Variants in TLN2 observed in about 807,000 individuals in gnomAD.
TLN2 encodes the protein talin-2.
TLN2 carries 118 observed loss-of-function variants against 294.7 expected under a neutral mutation model. The ratio of observed to expected loss-of-function variants is 0.40; its 90% CI spans 0.34 to 0.47. TLN2 has a LOEUF of 0.47. Ranked by LOEUF, TLN2 falls within the 20% of genes least tolerant of loss-of-function variation. TLN2 has a pLI of 0.84. For missense variants in TLN2, 3,083 were observed against 3,282.2 expected (o/e 0.94, Z 1.48); for synonymous variants, 1,431 against 1,304.5 (o/e 1.10, Z -2.09).
chr15:62,504,846 T>TGAGAGAGAGAGA (rs56056575), intron 1 of TLN2, among the ~76,000 whole-genome samples: 2 of 144,392 alleles, frequency 1.4e-5, no homozygotes, highest in Non-Finnish European at 3.0e-5. Context: ...TGTGTGTGTG[T>TGAGAGAGAGAGA]GAGAGAGAGA....
In TLN2 at chr15:62,520,737, A is replaced by C. The variant is rs745680997; in HGVS notation, c.-237-68950A>C. 3.9e-5 allele frequency among the ~76,000 whole-genome samples: 6 copies of C among 152,192 alleles called. No individual in the cohort carries two copies. The South Asian group carries it at 8.3e-4, about 21-fold the overall frequency. ...TTAGGAGGTCCAGTATTACTTACTT[A>C]ATAGTTGTTTATTTTTTTAAAGTGT... is the stretch of plus-strand genomic sequence containing the variant. On this transcript the variant is annotated intron_variant, in intron 1 of 58. Transcript: ENST00000636159.
At chr15:62,531,192 G>A (rs919962057) in intron 1 of TLN2, among the ~76,000 whole-genome samples, 19 of 152,160 alleles carry the variant, frequency 1.2e-4, no homozygotes, top group African/African-American at 4.1e-4. Context: ...ATCAACAGAT[G>A]AATAGATAAA....
intron 45 of TLN2, chr15:62,784,231 C>T (rs1369206824): frequency 7.6e-6 from 3 of 394,650 alleles, no homozygotes; most frequent in Non-Finnish European, 8.9e-6. Flanking sequence ...TCACTTCCTA[C>T]TCCAGTTAGC....
chr15:62,746,785 C>T (rs896472079), intron 32 of TLN2, among the ~76,000 whole-genome samples: 1 of 152,136 alleles, frequency 6.6e-6, no homozygotes, highest in African/African-American at 2.4e-5. Flanking sequence ...GAAGCGTGGA[C>T]CAGTTATGAC....
intron 1 of TLN2, among the ~76,000 whole-genome samples, chr15:62,460,184 GC>G (rs2036714446): frequency 2.0e-5 from 3 of 152,062 alleles, no homozygotes; most frequent in African/African-American, 7.2e-5. Context: ...GCAGCAGCCA[GC>G]CATGTGTCCT....
At chr15:62,533,253 CAAAA>C (rs10650730) in intron 1 of TLN2, among the ~76,000 whole-genome samples, 2 of 51,424 alleles carry the variant, frequency 3.9e-5, no homozygotes, top group African/African-American at 8.0e-5. Flanking sequence ...GACTCTGTCT[CAAAA>C]AAAAAAAAAA....
chr15:62,808,004 T>C (rs1407837257), intron 51 of TLN2, among the ~76,000 whole-genome samples: 1 of 152,116 alleles, frequency 6.6e-6, no homozygotes, highest in Non-Finnish European at 1.5e-5. Flanking sequence ...TGCTGAGTGG[T>C]GGTCAAGACG....
chr15:62,825,746 A>G (rs1392675615), intron 54 of TLN2, among the ~76,000 whole-genome samples: 2 of 106,320 alleles, frequency 1.9e-5, no homozygotes, highest in Non-Finnish European at 3.3e-5. Flanking sequence ...TTTTATATAT[A>G]TTAAATATAA....
At position 62,739,512 on chromosome 15, in the gene TLN2, C is replaced by T. The variant is rs560735833; in HGVS notation, c.3852C>T (p.Leu1284=). The change falls in exon 31 of 59, where the codon CTC becomes CTT. Residue 1284 remains leucine (L), a synonymous_variant. Transcript: ENST00000636159. ...GKFSDDFDEF[L]DAGIEMAGQA... The stretch of plus-strand genomic sequence containing the variant: ...TCAGTGATGATTTTGATGAATTCCT[C>T]GATGCTGGCATTGAGATGGCTGGCC... 6.6e-5 allele frequency: 106 copies of T among 1,614,128 alleles called. No individual in the cohort carries two copies. The Admixed American group carries it at 1.0e-3, about 15-fold the overall frequency.
intron 1 of TLN2, among the ~76,000 whole-genome samples, chr15:62,397,152 C>T (rs1414960661): frequency 1.3e-5 from 2 of 152,200 alleles, no homozygotes; most frequent in East Asian, 3.8e-4. Flanking sequence ...CCATTTTCAA[C>T]CCAGCCTCCT....
intron 4 of TLN2, among the ~76,000 whole-genome samples, chr15:62,648,764 G>A (rs1228708499): frequency 6.6e-6 from 1 of 152,020 alleles, no homozygotes; most frequent in Non-Finnish European, 1.5e-5. Flanking sequence ...GGCCAGGATG[G>A]TCTTGAACTC....
chr15:62,494,371 A>G (rs2038910730), intron 1 of TLN2, among the ~76,000 whole-genome samples: 1 of 152,210 alleles, frequency 6.6e-6, no homozygotes, highest in Admixed American at 6.5e-5. Flanking sequence ...GGAGATTTGC[A>G]TTCAGGCCAG....
intron 1 of TLN2, among the ~76,000 whole-genome samples, chr15:62,496,427 A>T (rs977846908): frequency 3.3e-5 from 5 of 152,212 alleles, no homozygotes; most frequent in African/African-American, 9.6e-5. Flanking sequence ...GTATTGTAAA[A>T]GAGCTCCACC....
chr15:62,539,107 T>A (rs1404581866), intron 1 of TLN2, among the ~76,000 whole-genome samples: 2 of 152,210 alleles, frequency 1.3e-5, no homozygotes, highest in East Asian at 3.8e-4. Flanking sequence ...AAAGATTTGA[T>A]GACTTTCTCT....
At chr15:62,525,805 G>A (rs577169771) in intron 1 of TLN2, among the ~76,000 whole-genome samples, 14 of 152,224 alleles carry the variant, frequency 9.2e-5, no homozygotes, top group African/African-American at 3.4e-4. Flanking sequence ...CAGCCCACAC[G>A]GCACCCCTGC....
chr15:62,706,155 C>G (rs2059051992), intron 19 of TLN2, among the ~76,000 whole-genome samples: 1 of 152,184 alleles, frequency 6.6e-6, no homozygotes, highest in African/African-American at 2.4e-5. Flanking sequence ...AAGGGAAAAG[C>G]CTTGACGTGT....
chr15:62,528,616 G>A (rs1328595009), intron 1 of TLN2, among the ~76,000 whole-genome samples: 1 of 150,096 alleles, frequency 6.7e-6, no homozygotes, highest in Admixed American at 6.6e-5. Context: ...CAGGGGCTAT[G>A]TCTGGCAAAG....
chr15:62,835,767 G>A lies in TLN2; in HGVS notation c.7159G>A (p.Asp2387Asn). 8 of 1,614,190 alleles carry A rather than the reference G, an allele frequency of 5.0e-6. No homozygotes were observed. Among genetic ancestry groups the A allele is most frequent in the South Asian group, 2.2e-5 (2 of 91,078 alleles). Reference sequence around the variant, plus strand: ...CTCCATCCCTGCCAATGCTGCAGACGACGGACAGTGGTCACAGGGGCTGAT... The same window carrying A: ...CTCCATCCCTGCCAATGCTGCAGACAACGGACAGTGGTCACAGGGGCTGAT... ...VGSIPANAAD[D>N]GQWSQGLISA... is the part of the protein sequence containing the mutation. The change falls in exon 56 of 59, where the codon GAC (aspartate) becomes AAC (asparagine). Residue 2387 changes from aspartate (D) to asparagine (N), a missense_variant. By Grantham distance (23) the Asp-to-Asn change is conservative. Coordinates refer to ENST00000636159, the MANE Select transcript of TLN2 (RefSeq NM_015059.3).
At chr15:62,593,524 G>GC (rs913962168) in intron 2 of TLN2, among the ~76,000 whole-genome samples, 12 of 152,140 alleles carry the variant, frequency 7.9e-5, no homozygotes, top group African/African-American at 2.4e-4. Flanking sequence ...ACATTAAGAA[G>GC]CCCCCCTGGA....
Sources: allele counts gnomAD v4.1 joint callset (sites outside exome capture counted in the v4.1 genomes callset), GRCh38; gene constraint gnomAD v4.1.1; transcripts MANE v1.5; gene names NCBI Gene and HGNC (gene_info 2026-07-23, HGNC 2026-07-21).